ACBD6: variants seen among roughly 807,000 people sequenced by gnomAD.
ACBD6 encodes the protein acyl-CoA-binding domain-containing protein 6.
A neutral mutation model predicts 37.2 loss-of-function variants in ACBD6; 28 were observed. That is an observed-to-expected ratio of 0.75 (90% CI 0.56 to 1.03). The LOEUF is 1.03. Ranked by LOEUF, ACBD6 falls within the 50% of genes least tolerant of loss-of-function variation. ACBD6 has a pLI of 0.00. For missense variants in ACBD6, 340 were observed against 337.4 expected (o/e 1.01, Z -0.06); for synonymous variants, 113 against 126.8 (o/e 0.89, Z 0.73).
chr1:180,395,645 A>C (rs1469250340), intron 6 of ACBD6, among the ~76,000 whole-genome samples: 1 of 152,222 alleles, frequency 6.6e-6, no homozygotes, highest in Non-Finnish European at 1.5e-5. Flanking sequence ...AAAAGCACAG[A>C]AAACAACAAG....
chr1:180,322,276 A>G (rs2149295406), intron 6 of ACBD6, among the ~76,000 whole-genome samples: 1 of 152,190 alleles, frequency 6.6e-6, no homozygotes, highest in East Asian at 1.9e-4. Context: ...TATTTTGTTG[A>G]GGATTTCTGA....
chr1:180,344,741 A>C (rs796231612), intron 6 of ACBD6, among the ~76,000 whole-genome samples: 1 of 152,206 alleles, frequency 6.6e-6, no homozygotes, highest in Non-Finnish European at 1.5e-5. Flanking sequence ...ACATTATATA[A>C]CTTGCCTAAG....
chr1:180,302,450 G>A (rs1055068273), intron 7 of ACBD6, among the ~76,000 whole-genome samples: 44 of 152,090 alleles, frequency 2.9e-4, no homozygotes, highest in African/African-American at 1.0e-3. Flanking sequence ...CTGTTGAATT[G>A]ATCCCTTTAC....
downstream of ACBD6, among the ~76,000 whole-genome samples, chr1:180,287,989 G>C (rs1294640426): frequency 6.6e-6 from 1 of 152,142 alleles, no homozygotes; most frequent in East Asian, 1.9e-4. Flanking sequence ...CTACCATGTT[G>C]GGATTGCATG....
intron 6 of ACBD6, among the ~76,000 whole-genome samples, chr1:180,388,162 C>A (rs1653917936): frequency 7.2e-6 from 1 of 139,284 alleles, no homozygotes; most frequent in Admixed American, 7.7e-5. Context: ...GGTGACAGAG[C>A]GAGACTCCGT....
In ACBD6 at chr1:180,432,325, A is replaced by C. The variant is rs1273734899; in HGVS notation, c.385-2063T>G. ...TCAGACAATGCAATGACCAGCCATA[A>C]ACTGAAAGAAAATTTGCAAAACACT... is the stretch of plus-strand genomic sequence containing the variant. On this transcript the variant is annotated intron_variant, in intron 3 of 7. Transcript: ENST00000367595. Among the ~76,000 whole-genome samples the C allele has an allele frequency of 4.5e-4, 68 of 152,186 alleles. 1 individual carries two copies. The highest frequency in any genetic ancestry group is 2.9e-5 in the Non-Finnish European group (2 of 68,034).
chr1:180,320,600 C>T (rs2149294410), intron 6 of ACBD6, among the ~76,000 whole-genome samples: 1 of 152,276 alleles, frequency 6.6e-6, no homozygotes, highest in Non-Finnish European at 1.5e-5. Flanking sequence ...GATCATGCCA[C>T]TGCACTCCAG....
intron 4 of ACBD6, among the ~76,000 whole-genome samples, chr1:180,416,336 T>C (rs1056749888): frequency 3.9e-5 from 6 of 152,222 alleles, no homozygotes; most frequent in African/African-American, 9.6e-5. Flanking sequence ...CAGCCTTCCA[T>C]AGTCAATCTT....
At chr1:180,396,116 T>G (rs777440391) in intron 6 of ACBD6, among the ~76,000 whole-genome samples, 1 of 151,904 alleles carries the variant, frequency 6.6e-6, no homozygotes, top group Non-Finnish European at 1.5e-5. Context: ...AAATAGAAAG[T>G]AGAATGGTAG....
intron 4 of ACBD6, among the ~76,000 whole-genome samples, chr1:180,417,079 T>C (rs1271241385): frequency 1.3e-5 from 2 of 152,142 alleles, no homozygotes; most frequent in African/African-American, 4.8e-5. Flanking sequence ...TCTACAAAGA[T>C]AAAAACAAAT....
chr1:180,410,949 G>C (rs193182469), intron 5 of ACBD6, among the ~76,000 whole-genome samples: 1 of 152,208 alleles, frequency 6.6e-6, no homozygotes, highest in Non-Finnish European at 1.5e-5. Flanking sequence ...ATGCCATTAA[G>C]AACATGTGTG....
At chr1:180,380,438 G>GA (rs909163605) in intron 6 of ACBD6, among the ~76,000 whole-genome samples, 25 of 151,884 alleles carry the variant, frequency 1.6e-4, no homozygotes, top group Admixed American at 3.3e-4. Flanking sequence ...AGTCCTGAAG[G>GA]AAAAAAATTG....
At chr1:180,281,982 T>A (rs1350502213) in intron 8 of ACBD6, among the ~76,000 whole-genome samples, 1 of 152,244 alleles carries the variant, frequency 6.6e-6, no homozygotes, top group Non-Finnish European at 1.5e-5. Flanking sequence ...TTTGATTTTT[T>A]AATTCATTTT....
At chr1:180,429,855 G>T (rs557849755) in intron 4 of ACBD6, among the ~76,000 whole-genome samples, 2 of 152,046 alleles carry the variant, frequency 1.3e-5, no homozygotes, top group East Asian at 3.9e-4. Flanking sequence ...TACTTGTGTG[G>T]GGAAAGTCAT....
chr1:180,451,293 T>G (rs1053261619), intron 3 of ACBD6, among the ~76,000 whole-genome samples: 7 of 152,186 alleles, frequency 4.6e-5, no homozygotes, highest in Non-Finnish European at 8.8e-5. Context: ...TATAAAATGT[T>G]GTAGCCATTT....
intron 3 of ACBD6, among the ~76,000 whole-genome samples, chr1:180,432,155 C>T (rs1465161392): frequency 6.7e-6 from 1 of 150,042 alleles, no homozygotes; most frequent in Non-Finnish European, 1.5e-5. Context: ...TGCAGTGAGC[C>T]AAGATCACGC....
At chr1:180,271,422 C>G (rs1248874301) in exon 14 of ACBD6, 1 of 1,614,186 alleles carries the variant, frequency 6.2e-7, no homozygotes, top group Non-Finnish European at 8.5e-7. Context: ...ACCACCATCA[C>G]AGCCAAGCAG....
At chr1:180,285,073 C>A (rs1427894945), downstream of ACBD6, among the ~76,000 whole-genome samples, 1 of 152,072 alleles carries the variant, frequency 6.6e-6, no homozygotes, top group Non-Finnish European at 1.5e-5. Context: ...GAAGTCAAGT[C>A]TGCAGTGAGC....
At chr1:180,351,589 T>G (rs1016100376) in intron 6 of ACBD6, among the ~76,000 whole-genome samples, 2 of 150,974 alleles carry the variant, frequency 1.3e-5, no homozygotes, top group African/African-American at 4.9e-5. Context: ...TACGTTTTTT[T>G]TTTTTTTTTT....
Sources: gnomAD v4.1 joint callset for allele counts (sites outside exome capture counted in the v4.1 genomes callset) on GRCh38, gnomAD v4.1.1 for gene constraint, MANE v1.5 for transcripts, NCBI Gene and HGNC (gene_info 2026-07-23, HGNC 2026-07-21) for gene names.